ERICH3: variants seen among roughly 807,000 people sequenced by gnomAD.
ERICH3 encodes the protein glutamate rich 3.
A neutral mutation model predicts 131.1 loss-of-function variants in ERICH3; 126 were observed. That is an observed-to-expected ratio of 0.96 (90% CI 0.83 to 1.11). The LOEUF is 1.11. Among genes scored for constraint, ERICH3 ranks in the 50% most tolerant of loss-of-function variants. ERICH3 has a pLI of 0.00. For synonymous variants in ERICH3, 695 were observed against 644.6 expected (o/e 1.08, Z -1.18); for missense variants, 2,050 against 1,810.7 (o/e 1.13, Z -2.40).
intron 12 of ERICH3, among the ~76,000 whole-genome samples, chr1:74,586,023 C>T (rs758251015): frequency 2.4e-4 from 36 of 152,170 alleles, no homozygotes; most frequent in African/African-American, 5.1e-4. Flanking sequence ...CTGTTAATGT[C>T]TTATGCTTTA....
chr1:74,578,873 G>A (rs1647125128), intron 12 of ERICH3, among the ~76,000 whole-genome samples: 1 of 152,118 alleles, frequency 6.6e-6, no homozygotes. Flanking sequence ...TGAAATACCT[G>A]CCTTAAATCG....
chr1:74,655,717 C>T (rs1292200501), intron 1 of ERICH3, among the ~76,000 whole-genome samples: 1 of 152,132 alleles, frequency 6.6e-6, no homozygotes, highest in Non-Finnish European at 1.5e-5. Context: ...ATATGGACAT[C>T]TTTGAGGGCC....
intron 9 of ERICH3, among the ~76,000 whole-genome samples, chr1:74,610,663 C>G (rs1470532372): frequency 6.6e-6 from 1 of 151,890 alleles, no homozygotes; most frequent in Non-Finnish European, 1.5e-5. Flanking sequence ...CTCCTGGCTA[C>G]CACCTAATTA....
chr1:74,646,076 A>G (rs1270177048), intron 3 of ERICH3, among the ~76,000 whole-genome samples: 2 of 148,998 alleles, frequency 1.3e-5, no homozygotes, highest in African/African-American at 4.9e-5. Context: ...CCATTAAGAT[A>G]CCCTGTCAGA....
intron 2 of ERICH3, 97 bp from the exon 3 acceptor site, chr1:74,646,889 G>GAC (rs141577300): frequency 0.023 from 5,729 of 247,012 alleles, 263 homozygotes; most frequent in African/African-American, 0.12. Context: ...AAGACAGACA[G>GAC]ACACACACAC....
At chr1:74,582,927 T>C (rs1436445517) in intron 12 of ERICH3, among the ~76,000 whole-genome samples, 1 of 150,050 alleles carries the variant, frequency 6.7e-6, no homozygotes. Flanking sequence ...TTCTCTTTTC[T>C]GATTTTTTTG....
At chr1:74,639,261 C>T (rs568836179) in intron 5 of ERICH3, among the ~76,000 whole-genome samples, 3 of 152,186 alleles carry the variant, frequency 2.0e-5, no homozygotes, top group Admixed American at 6.5e-5. Context: ...AATCTGTTGT[C>T]GAAATTTAAG....
chr1:74,651,099 A>G (rs1192708157), intron 1 of ERICH3, among the ~76,000 whole-genome samples: 1 of 152,122 alleles, frequency 6.6e-6, no homozygotes, highest in African/African-American at 2.4e-5. Context: ...ATTTATTCAA[A>G]GATCAGAGCA....
chr1:74,637,215 T>G (rs1646397330), intron 5 of ERICH3, among the ~76,000 whole-genome samples: 1 of 152,088 alleles, frequency 6.6e-6, no homozygotes, highest in African/African-American at 2.4e-5. Context: ...AATTAGGGTC[T>G]TTCTTCTCCT....
chr1:74,674,303 A>G (rs1646767635), upstream of ERICH3, among the ~76,000 whole-genome samples: 1 of 152,238 alleles, frequency 6.6e-6, no homozygotes, highest in Non-Finnish European at 1.5e-5. Context: ...ACCCAGAAAC[A>G]GTACTTACAT....
Position 74,572,480 on chromosome 1 carries a change from C to T in ERICH3, c.3230G>A (p.Arg1077Lys). Reference sequence around the variant, plus strand: ...TGCATTTGCCCTTGTCACCTCTTCTCTCTCAGAGTCAGTTTTCCTCAGAGA... The same window carrying T: ...TGCATTTGCCCTTGTCACCTCTTCTTTCTCAGAGTCAGTTTTCCTCAGAGA... The part of the protein sequence containing the change: ...KTSLRKTDSE[R>K]EEVTRANALK... The change falls in exon 14 of 15, where the codon AGA (arginine) becomes AAA (lysine). Residue 1077 changes from arginine (R) to lysine (K), a missense_variant. Transcript: ENST00000326665. The T allele has an allele frequency of 6.2e-7, 1 of 1,614,168 alleles. No individual in the cohort carries two copies. Among genetic ancestry groups the T allele is most frequent in the Non-Finnish European group, 8.5e-7 (1 of 1,180,038 alleles).
At chr1:74,579,734 A>G in intron 12 of ERICH3, 2 of 985,216 alleles carry the variant, frequency 2.0e-6, no homozygotes, top group Non-Finnish European at 2.4e-6. Context: ...TGAGACTCCC[A>G]TTTCAGCAAT....
At position 74,572,233 on chromosome 1, in the gene ERICH3, T is replaced by C. The variant is rs1646965293; in HGVS notation, c.3477A>G (p.Ala1159=). 2 of 1,614,174 alleles carry C rather than the reference T, an allele frequency of 1.2e-6. No individual in the cohort carries two copies. Among genetic ancestry groups the C allele is most frequent in the Non-Finnish European group, 1.7e-6 (2 of 1,180,032 alleles). The change falls in exon 14 of 15, where the codon GCA becomes GCG. Residue 1159 remains alanine (A), a synonymous_variant. Coordinates refer to ENST00000326665, the MANE Select transcript of ERICH3 (RefSeq NM_001002912.5). ...CCAGCGACTTTTCAAATCCAGGCGT[T>C]GCTTCAAATATGGGAACCACTGTCT... The part of the protein sequence containing the change: ...LKETVVPIFE[A]TPGFEKSLEN...
chr1:74,632,292 CT>C (rs1646346781), intron 6 of ERICH3, among the ~76,000 whole-genome samples: 2 of 151,866 alleles, frequency 1.3e-5, no homozygotes, highest in Admixed American at 1.3e-4. Context: ...GAAATTAGGA[CT>C]TTTTTCATAT....
At chr1:74,649,615 GAGA>G (rs779951663) in intron 1 of ERICH3, among the ~76,000 whole-genome samples, 46 of 152,260 alleles carry the variant, frequency 3.0e-4, no homozygotes, top group Admixed American at 2.3e-3. Context: ...TGGCAGCACA[GAGA>G]AGGAGGCCAC....
chr1:74,577,146 A>G (rs1647075256), intron 12 of ERICH3: 2 of 461,704 alleles, frequency 4.3e-6, no homozygotes, highest in South Asian at 9.5e-5. Context: ...AGACATCAAT[A>G]TATTCAAAAA....
At chr1:74,664,986 C>A (rs188526526) in intron 1 of ERICH3, among the ~76,000 whole-genome samples, 2 of 152,144 alleles carry the variant, frequency 1.3e-5, no homozygotes, top group African/African-American at 2.4e-5. Flanking sequence ...ATAGACTTAA[C>A]GTCTGTATCA....
At chr1:74,599,028 TG>T (rs1401899654) in intron 11 of ERICH3, among the ~76,000 whole-genome samples, 2 of 151,828 alleles carry the variant, frequency 1.3e-5, no homozygotes, top group African/African-American at 4.8e-5. Context: ...ACAGTTAAAC[TG>T]AAAAAAATAA....
At position 74,643,083 on chromosome 1, in the gene ERICH3, C is replaced by A; in HGVS notation, c.259G>T (p.Glu87Ter). 6.2e-7 allele frequency: 1 copy of A among 1,610,738 alleles called. No homozygotes were observed. Among genetic ancestry groups the A allele is most frequent in the South Asian group, 1.1e-5 (1 of 90,966 alleles). ...VLDMERYHQLEIKKKLETLAR... is the reference protein window; with the variant it reads ...VLDMERYHQL Reference sequence around the variant, plus strand: ...AAGGTCTCCAATTTCTTTTTTATTTCAAGCTGATGGTAACGCTAAGCATAC... The same window carrying A: ...AAGGTCTCCAATTTCTTTTTTATTTAAAGCTGATGGTAACGCTAAGCATAC... Residue 87 changes from glutamate to a stop codon, truncating the protein, a stop_gained, in exon 4 of 15, where the codon GAA (glutamate) becomes TAA (stop). Transcript: ENST00000326665. LOFTEE classifies it high-confidence loss of function.
Sources: allele counts gnomAD v4.1 joint callset (sites outside exome capture counted in the v4.1 genomes callset), GRCh38; gene constraint gnomAD v4.1.1; transcripts MANE v1.5; gene names NCBI Gene and HGNC (gene_info 2026-07-23, HGNC 2026-07-21).